Variants in SCAMP2 observed in about 807,000 individuals in gnomAD.
SCAMP2 encodes secretory carrier-associated membrane protein 2.
In SCAMP2, 25 loss-of-function variants were observed where a neutral mutation model predicts 44.1. That is an observed-to-expected ratio of 0.57 (90% CI 0.41 to 0.79). The LOEUF (loss-of-function observed/expected upper bound fraction) is 0.79. Among genes scored for constraint, SCAMP2 ranks in the 30% least tolerant of loss-of-function variants. The pLI, the probability that SCAMP2 is intolerant of heterozygous loss-of-function variation, is 0.00. For synonymous variants in SCAMP2, 156 were observed against 166.0 expected (o/e 0.94, Z 0.46); for missense variants, 355 against 411.0 (o/e 0.86, Z 1.18).
chr15:74,848,147 AG>A (rs2064411848), intron 7 of SCAMP2, among the ~76,000 whole-genome samples: 4 of 150,668 alleles, frequency 2.7e-5, no homozygotes, highest in African/African-American at 9.8e-5. Context: ...GGCTCACTGC[AG>A]CCTCAACCTC....
At chr15:74,856,523 C>T (rs2141175496) in intron 1 of SCAMP2, among the ~76,000 whole-genome samples, 1 of 151,650 alleles carries the variant, frequency 6.6e-6, no homozygotes, top group East Asian at 1.9e-4. Flanking sequence ...GATCCGCTCA[C>T]CTCAGCCTCC....
intron 2 of SCAMP2, among the ~76,000 whole-genome samples, 188 bp from the exon 3 acceptor site, chr15:74,854,307 C>T (rs894532901): frequency 1.3e-5 from 2 of 152,368 alleles, no homozygotes; most frequent in South Asian, 2.1e-4. Context: ...ATCCCTAACC[C>T]GGCACCCCTG....
chr15:74,865,063 T>G (rs2064532893), intron 1 of SCAMP2, among the ~76,000 whole-genome samples: 2 of 104,250 alleles, frequency 1.9e-5, no homozygotes, highest in South Asian at 6.4e-4. Context: ...CACTCCACCC[T>G]GACTCTATCT....
At chr15:74,864,696 ACTTCAGAGAC>A (rs1281790785) in intron 1 of SCAMP2, among the ~76,000 whole-genome samples, 1 of 152,084 alleles carries the variant, frequency 6.6e-6, no homozygotes, top group African/African-American at 2.4e-5. Context: ...AACAAGAGGG[ACTTCAGAGAC>A]CTTCCTCACA....
At chr15:74,850,751 G>C in intron 5 of SCAMP2, 78 bp from the exon 6 acceptor site, 1 of 1,479,742 alleles carries the variant, frequency 6.8e-7, no homozygotes, top group Admixed American at 1.8e-5. Flanking sequence ...CACTCCCTAG[G>C]AGAGGTGAGG....
rs1279290408 is a variant in SCAMP2, at chr15:74,844,421, C to T, written c.*662G>A. 3.3e-5 allele frequency: 5 copies of T among 152,268 alleles called. No homozygotes were observed. Among genetic ancestry groups the T allele is most frequent in the African/African-American group, 1.2e-4 (5 of 41,440 alleles). 9.4% of individuals were successfully genotyped at this position (152,268 alleles called of 1,614,324 possible). A position where few individuals can be genotyped will look rare whatever the true frequency, so the allele number is the denominator to read the frequency against. On this transcript the variant is annotated 3_prime_UTR_variant, in exon 9 of 9. Transcript: ENST00000268099. ...GAGGGCTCCAGAGGGCTCAAAGTGC[C>T]ATCCCCTGCAGGAGGGTGCAGGGGG... is the stretch of plus-strand genomic sequence containing the variant.
At position 74,845,533 on chromosome 15, in the gene SCAMP2, CATG is replaced by C. The variant is rs1567247888; in HGVS notation, c.792_794del (p.Ile264del). The C allele has an allele frequency of 6.2e-7, 1 of 1,614,036 alleles. No homozygotes were observed. Reference sequence around the variant, plus strand: ...GGGTGAAGAAGCCAGCCACCACCATCATGATGACTGATATGGCCAGGGAATGAT... The same window carrying C: ...GGGTGAAGAAGCCAGCCACCACCATCATGACTGATATGGCCAGGGAATGAT... On this transcript the variant is annotated inframe_deletion, in exon 8 of 9. Coordinates refer to ENST00000268099, the MANE Select transcript of SCAMP2 (RefSeq NM_005697.5).
chr15:74,871,089 G>C (rs2064571933), intron 1 of SCAMP2, among the ~76,000 whole-genome samples: 1 of 152,172 alleles, frequency 6.6e-6, no homozygotes, highest in Admixed American at 6.5e-5. Flanking sequence ...AGCTCTGGAG[G>C]TAACAGTTCA....
Position 74,845,561 on chromosome 15 carries a change from T to C in SCAMP2, c.767A>G (p.Asn256Ser). The C allele has an allele frequency of 6.2e-7, 1 of 1,614,024 alleles. No homozygotes were observed. The change falls in exon 8 of 9, where the codon AAT (asparagine) becomes AGT (serine). Residue 256 changes from asparagine (N) to serine (S), a missense_variant. Transcript: ENST00000268099. ...GWIAALSTLD[N>S]HSLAISVIMM... ...GATGACTGATATGGCCAGGGAATGA[T>C]TATCCAGTGTAGACAGGGCTGCAAT...
At chr15:74,865,832 T>C (rs563724711) in intron 1 of SCAMP2, among the ~76,000 whole-genome samples, 2 of 143,844 alleles carry the variant, frequency 1.4e-5, no homozygotes, top group East Asian at 2.1e-4. Flanking sequence ...TTGCCTGTAG[T>C]CCCAGCTACT....
At chr15:74,862,068 A>C (rs1244253070) in intron 1 of SCAMP2, among the ~76,000 whole-genome samples, 1 of 147,814 alleles carries the variant, frequency 6.8e-6, no homozygotes, top group Non-Finnish European at 1.5e-5. Context: ...AGCCTGGCCA[A>C]CAAGGTGAGA....
intron 3 of SCAMP2, chr15:74,853,805 CAGT>C: frequency 1.7e-6 from 1 of 585,500 alleles, no homozygotes; most frequent in South Asian, 2.0e-5. Flanking sequence ...GCTTATTTCT[CAGT>C]GGTGGTGGTG....
chr15:74,845,182 G>T lies in SCAMP2; in HGVS notation c.891C>A (p.Phe297Leu). 6.2e-7 allele frequency: 1 copy of T among 1,613,648 alleles called. No individual in the cohort carries two copies. Among genetic ancestry groups the T allele is most frequent in the Non-Finnish European group, 8.5e-7 (1 of 1,179,948 alleles). The change falls in exon 9 of 9, where the codon TTC (phenylalanine) becomes TTA (leucine). Residue 297 changes from phenylalanine (F) to leucine (L), a missense_variant. Transcript: ENST00000268099. ...GGGAAAACTCCTCCTGGGCCTGCTGGAAGCTGGCCCCTGTCCGTCGGTAGA... is the reference window on the plus strand; with the variant it reads ...GGGAAAACTCCTCCTGGGCCTGCTGTAAGCTGGCCCCTGTCCGTCGGTAGA... ...HSLYRRTGAS[F>L]QQAQEEFSQG...
chr15:74,847,258 A>G (rs894371541), intron 7 of SCAMP2, among the ~76,000 whole-genome samples: 6 of 152,066 alleles, frequency 3.9e-5, no homozygotes, highest in African/African-American at 1.2e-4. Flanking sequence ...CGCCTGGCCA[A>G]TTTTTGTACT....
At chr15:74,851,799 T>G in intron 4 of SCAMP2, 1 of 452,022 alleles carries the variant, frequency 2.2e-6, no homozygotes, top group South Asian at 4.9e-5. Context: ...TAGCAAGGAA[T>G]TGTGGGACCA....
chr15:74,854,140 G>A (rs1418659685), intron 2 of SCAMP2, 21 bp from the exon 3 acceptor site: 6 of 1,604,844 alleles, frequency 3.7e-6, no homozygotes, highest in Non-Finnish European at 5.1e-6. Context: ...CAAATCAAAA[G>A]ACAGAATTGA....
At chr15:74,846,403 G>A (rs371581148) in intron 7 of SCAMP2, among the ~76,000 whole-genome samples, 1 of 146,940 alleles carries the variant, frequency 6.8e-6, no homozygotes, top group African/African-American at 2.5e-5. Flanking sequence ...CTGTGATCAC[G>A]CCACGGCACT....
rs1445392380 is a variant in SCAMP2, at chr15:74,844,209, G to GGT, written c.*873_*874insAC. 2.3e-4 allele frequency: 35 copies of GGT among 150,132 alleles called. 2 individuals are homozygous for GGT. The highest frequency in any genetic ancestry group is 3.0e-5 in the Non-Finnish European group (2 of 67,522). 9.3% of individuals were successfully genotyped at this position (150,132 alleles called of 1,614,324 possible). On this transcript the variant is annotated 3_prime_UTR_variant, in exon 9 of 9. Transcript: ENST00000268099. ...GCCGTCCCTCGGTTCGGGGAGGGGG[G>GGT]GGGGTAGTCACAGCAAACAGGGCCA...
intron 5 of SCAMP2, 66 bp from the exon 6 acceptor site, chr15:74,850,739 G>T: frequency 1.3e-6 from 2 of 1,550,714 alleles, no homozygotes; most frequent in Non-Finnish European, 1.8e-6. Flanking sequence ...CAATGTGGCA[G>T]CCACTCCCTA....
Sources: allele counts gnomAD v4.1 joint callset (sites outside exome capture counted in the v4.1 genomes callset), GRCh38; gene constraint gnomAD v4.1.1; transcripts MANE v1.5; gene names NCBI Gene and HGNC (gene_info 2026-07-23, HGNC 2026-07-21).